The following DNAH17 variants were observed in gnomAD, a reference collection of about 807,000 sequenced individuals.
DNAH17 encodes dynein axonemal heavy chain 17.
A neutral mutation model predicts 485.6 loss-of-function variants in DNAH17; 376 were observed. The ratio of observed to expected loss-of-function variants is 0.77; its 90% CI spans 0.71 to 0.84. The LOEUF (loss-of-function observed/expected upper bound fraction) is 0.84. DNAH17 is among the 40% of genes least tolerant of loss of function. The pLI, the probability that DNAH17 is intolerant of heterozygous loss-of-function variation, is 0.00. For missense variants in DNAH17, 6,370 were observed against 5,839.3 expected (o/e 1.09, Z -2.96); for synonymous variants, 3,031 against 2,405.9 (o/e 1.26, Z -7.60).
Position 78,571,292 on chromosome 17 carries a change from G to A in DNAH17, c.819C>T (p.Thr273=). The A allele has an allele frequency of 6.2e-7, 1 of 1,613,166 alleles. No homozygotes were observed. ...TCACAGGCTCACCTTCAGTGACGTT[G>A]GTGTAAACGTTTTGCAGGGCTGGCC... ...CYWPALQNVY[T]NVTEGLKEAN... is the part of the protein sequence containing the mutation. The change falls in exon 5 of 81, where the codon ACC becomes ACT. Residue 273 remains threonine, a synonymous_variant. Coordinates refer to ENST00000389840, the MANE Select transcript of DNAH17 (RefSeq NM_173628.4).
chr17:78,548,421 G>A (rs1431035884), intron 16 of DNAH17, among the ~76,000 whole-genome samples: 2 of 152,008 alleles, frequency 1.3e-5, no homozygotes, highest in East Asian at 3.9e-4. Context: ...AGCCAGGATG[G>A]TCTCGATCTC....
intron 11 of DNAH17, among the ~76,000 whole-genome samples, chr17:78,563,491 C>A (rs1568261582): frequency 1.4e-5 from 2 of 141,136 alleles, no homozygotes; most frequent in South Asian, 4.3e-4. Flanking sequence ...AAAAAAACCC[C>A]AAAAACCTGA....
chr17:78,430,621 C>T (rs556488000), intron 75 of DNAH17, among the ~76,000 whole-genome samples: 98 of 152,308 alleles, frequency 6.4e-4, no homozygotes, highest in Admixed American at 2.4e-3. Context: ...CGCTCTGTTG[C>T]CCAGGCTGGA....
At position 78,485,531 on chromosome 17, in the gene DNAH17, G is replaced by A. The variant is rs74001378; in HGVS notation, c.7483+19C>T. On this transcript the variant is annotated intron_variant, in intron 47 of 80. Transcript: ENST00000389840. ...CGGGGGGCAGCCGGGTAGGCAGGGC[G>A]TGGCCGGACCAGCCTCACCCTGCAG... 19,407 of 1,563,298 alleles carry A rather than the reference G, an allele frequency of 0.012. 1,854 individuals are homozygous for A. The African/African-American group carries it at 0.22, about 17-fold the overall frequency.
At chr17:78,502,811 G>A (rs1027676030) in intron 32 of DNAH17, 75 bp downstream of exon 32, 48 of 1,591,584 alleles carry the variant, frequency 3.0e-5, no homozygotes, top group Admixed American at 7.1e-5. Context: ...AGTTAACAGC[G>A]GAGCCCATGA....
chr17:78,558,650 G>A (rs909331912), intron 13 of DNAH17, among the ~76,000 whole-genome samples: 3 of 152,224 alleles, frequency 2.0e-5, no homozygotes, highest in Admixed American at 1.3e-4. Flanking sequence ...ATCACCATGG[G>A]TGGCTGACAT....
At chr17:78,462,733 G>A (rs1644554566) in intron 57 of DNAH17, 111 bp downstream of exon 57, 1 of 1,001,336 alleles carries the variant, frequency 1.0e-6, no homozygotes. Flanking sequence ...TCTTACTTTA[G>A]GCAGTGCTGA....
chr17:78,514,855 G>C lies in DNAH17; in HGVS notation c.4032C>G (p.Ile1344Met). The C allele has an allele frequency of 1.9e-6, 3 of 1,614,056 alleles. No homozygotes were observed. The highest frequency in any genetic ancestry group is 2.5e-6 in the Non-Finnish European group (3 of 1,179,902). Reference protein sequence around the residue: ...VGLDNTVKNVITSLRAVSELQ... With the variant: ...VGLDNTVKNVMTSLRAVSELQ... ...GCTCGCTCACGGCACGCAGGGACGT[G>C]ATCACGTTTTTCACGGTGTTGTCGA... The change falls in exon 26 of 81, where the codon ATC (isoleucine) becomes ATG (methionine). Residue 1344 changes from isoleucine (I) to methionine (M), a missense_variant. Physicochemically the swap from Ile to Met is conservative, Grantham distance 10. Transcript: ENST00000389840.
At chr17:78,517,863 T>G (rs191870532) in intron 25 of DNAH17, among the ~76,000 whole-genome samples, 79 of 152,254 alleles carry the variant, frequency 5.2e-4, no homozygotes, top group African/African-American at 1.7e-3. Context: ...ACTCATATAT[T>G]GAGGAAATAC....
In DNAH17 at chr17:78,503,688, A is replaced by T. The variant is rs569266151; in HGVS notation, c.4957-677T>A. ...CACCTAAAAAATGTGGCTGGGGTCC[A>T]GGCGCAGTGGCTCATGTCTGTAATC... On this transcript the variant is annotated intron_variant, in intron 31 of 80. Transcript: ENST00000389840. Among the ~76,000 whole-genome samples the T allele has an allele frequency of 3.3e-5, 5 of 151,654 alleles. No individual in the cohort carries two copies. In the East Asian group the frequency reaches 9.9e-4, roughly 30 times the overall value.
At chr17:78,478,229 C>CCATCACCATCATCACCACCAT (rs1555667818) in intron 51 of DNAH17, among the ~76,000 whole-genome samples, 1 of 67,718 alleles carries the variant, frequency 1.5e-5, no homozygotes, top group African/African-American at 7.4e-5. Flanking sequence ...CACCACATCA[C>CCATCACCATCATCACCACCAT]CATCACCACC....
At chr17:78,573,241 A>G (rs2092385741) in intron 2 of DNAH17, among the ~76,000 whole-genome samples, 1 of 152,140 alleles carries the variant, frequency 6.6e-6, no homozygotes, top group Admixed American at 6.6e-5. Context: ...CCCCAAATCC[A>G]TCTGCTGAAG....
At position 78,536,443 on chromosome 17, in the gene DNAH17, C is replaced by A. The variant is rs138568798; in HGVS notation, c.2859+856G>T. On this transcript the variant is annotated intron_variant, in intron 19 of 80. Coordinates refer to ENST00000389840, the MANE Select transcript of DNAH17 (RefSeq NM_173628.4). ...CCAGCCTGGGCAACAGAGCAAGACT[C>A]TGTCTCAAAAAATAAAAAAATTAAG... is the stretch of plus-strand genomic sequence containing the variant. Among the ~76,000 whole-genome samples, 184 of 151,268 alleles carry A rather than the reference C, an allele frequency of 1.2e-3. 1 individual carries two copies. Among genetic ancestry groups the A allele is most frequent in the African/African-American group, 4.3e-3 (176 of 41,166 alleles).
At chr17:78,467,388 C>T (rs758956791) in intron 55 of DNAH17, among the ~76,000 whole-genome samples, 5 of 152,204 alleles carry the variant, frequency 3.3e-5, no homozygotes, top group Admixed American at 2.0e-4. Flanking sequence ...TGGGGTGGCT[C>T]ACTGCTTAGC....
chr17:78,424,762 T>C (rs759913500), intron 80 of DNAH17, among the ~76,000 whole-genome samples: 43 of 152,282 alleles, frequency 2.8e-4, no homozygotes, highest in Middle Eastern at 3.4e-3. Flanking sequence ...GACAGGTATG[T>C]GGTGGTGGCA....
intron 30 of DNAH17, among the ~76,000 whole-genome samples, chr17:78,506,051 T>A (rs2090474539): frequency 6.6e-6 from 1 of 152,106 alleles, no homozygotes; most frequent in African/African-American, 2.4e-5. Flanking sequence ...AGCCACACAC[T>A]CAGTCTATTC....
At chr17:78,547,617 ATTTTTTTTT>A (rs58852980) in intron 16 of DNAH17, among the ~76,000 whole-genome samples, 1 of 134,620 alleles carries the variant, frequency 7.4e-6, no homozygotes, top group Non-Finnish European at 1.6e-5. Context: ...GTTCATTACT[ATTTTTTTTT>A]TTTTTTTTTG....
At chr17:78,512,731 C>T (rs922426946) in intron 26 of DNAH17, among the ~76,000 whole-genome samples, 2 of 152,096 alleles carry the variant, frequency 1.3e-5, no homozygotes, top group African/African-American at 4.8e-5. Flanking sequence ...CACCTGAGGT[C>T]AGGAGTTTGA....
chr17:78,480,013 C>CTTTTTTT lies in DNAH17; in HGVS notation c.7753-388_7753-382dup, dbSNP rs370344478. Among the ~76,000 whole-genome samples, 50 of 70,526 alleles carry CTTTTTTT rather than the reference C, an allele frequency of 7.1e-4. 12 individuals are homozygous for CTTTTTTT. Among genetic ancestry groups the CTTTTTTT allele is most frequent in the African/African-American group, 1.3e-3 (31 of 23,638 alleles). 46.3% of individuals were successfully genotyped at this position (70,526 alleles called of 152,430 possible). ...CTGAATTTCAGATAAACAACAAGTA[C>CTTTTTTT]TTTTTTTTTTTTTTTTTTTTTTTTT... is the stretch of plus-strand genomic sequence containing the variant. On this transcript the variant is annotated intron_variant, in intron 49 of 80. Coordinates refer to ENST00000389840, the MANE Select transcript of DNAH17 (RefSeq NM_173628.4).
Sources: allele counts gnomAD v4.1 joint callset (sites outside exome capture counted in the v4.1 genomes callset), GRCh38; gene constraint gnomAD v4.1.1; transcripts MANE v1.5; gene names NCBI Gene and HGNC (gene_info 2026-07-23, HGNC 2026-07-21).